LDAF1: variants seen among roughly 807,000 people sequenced by gnomAD.
LDAF1 encodes the protein lipid droplet assembly factor 1, also known as PROMETHIN.
A neutral mutation model predicts 13.5 loss-of-function variants in LDAF1; 7 were observed. That is an observed-to-expected ratio of 0.52 (90% confidence interval 0.29 to 0.97). The LOEUF (loss-of-function observed/expected upper bound fraction) is 0.97. Ranked by LOEUF, LDAF1 falls within the 50% of genes least tolerant of loss-of-function variation. The pLI is 0.07. For synonymous variants in LDAF1, 69 were observed against 77.1 expected, an observed-to-expected ratio of 0.89 and a Z score of 0.55; for missense variants, 148 against 193.2, an observed-to-expected ratio of 0.77 and a Z score of 1.39.
chr16:21,161,328 C>T lies in LDAF1; in HGVS notation c.96+50C>T, dbSNP rs374019946. Reference sequence around the variant, plus strand: ...ATGGAAAATCCCAATATAACACTAGCATAAACAAGATAGAAAGTTATTTCT... The same window carrying T: ...ATGGAAAATCCCAATATAACACTAGTATAAACAAGATAGAAAGTTATTTCT... On this transcript the variant is annotated intron_variant, in intron 2 of 4. Transcript: ENST00000233047. The T allele has an allele frequency of 9.5e-6, 15 of 1,580,538 alleles. No individual in the cohort carries two copies. The African/African-American group carries it at 1.9e-4, about 20-fold the overall frequency.
At chr16:21,167,332 C>T (rs1438446293) in intron 2 of LDAF1, among the ~76,000 whole-genome samples, 1 of 152,222 alleles carries the variant, frequency 6.6e-6, no homozygotes, top group Non-Finnish European at 1.5e-5. Context: ...GGATGAGGCT[C>T]AGGAAGGACC....
chr16:21,166,800 GGT>G, intron 2 of LDAF1: 1 of 1,520,788 alleles, frequency 6.6e-7, no homozygotes, highest in Non-Finnish European at 8.8e-7. Context: ...CATTCTGTGT[GGT>G]GACTCCCACG....
chr16:21,176,430 G>T (rs569724359), intron 4 of LDAF1, among the ~76,000 whole-genome samples: 56 of 152,274 alleles, frequency 3.7e-4, no homozygotes, highest in African/African-American at 1.3e-3. Flanking sequence ...ATCACTTGAG[G>T]CCAGGGGTTT....
At chr16:21,174,918 A>C (rs1597563815) in intron 4 of LDAF1, among the ~76,000 whole-genome samples, 1 of 152,140 alleles carries the variant, frequency 6.6e-6, no homozygotes, top group African/African-American at 2.4e-5. Flanking sequence ...TGAGTTTCTC[A>C]CCAACTGAGT....
chr16:21,179,590 A>G lies in LDAF1; in HGVS notation c.*34A>G, dbSNP rs1384050596. On this transcript the variant is annotated 3_prime_UTR_variant, in exon 5 of 5. Transcript: ENST00000233047. ...TCAGAGGCCGGGCTTCTTTTCAAGTACTGCTGGATCATACTCACCCCTTGG... is the reference window on the plus strand; with the variant it reads ...TCAGAGGCCGGGCTTCTTTTCAAGTGCTGCTGGATCATACTCACCCCTTGG... The G allele has an allele frequency of 6.3e-7, 1 of 1,585,084 alleles. No homozygotes were observed.
intron 3 of LDAF1, 105 bp from the exon 4 acceptor site, chr16:21,173,905 A>T: frequency 8.5e-7 from 1 of 1,175,160 alleles, no homozygotes; most frequent in Non-Finnish European, 1.2e-6. Context: ...TTCTTACTTT[A>T]ATAATCTGAG....
chr16:21,163,617 C>G (rs910081667), intron 2 of LDAF1, among the ~76,000 whole-genome samples: 4 of 152,136 alleles, frequency 2.6e-5, no homozygotes, highest in African/African-American at 9.7e-5. Context: ...TGTACTCCAG[C>G]CTGGGTGACA....
Position 21,170,554 on chromosome 16 carries a change from A to G in LDAF1, c.214A>G (p.Ile72Val). 6.2e-7 allele frequency: 1 copy of G among 1,614,126 alleles called. No homozygotes were observed. Among genetic ancestry groups the G allele is most frequent in the East Asian group, 2.2e-5 (1 of 44,882 alleles). ...SAVPVGFFLLIVVLTTLAALL... is the reference protein window; with the variant it reads ...SAVPVGFFLLVVVLTTLAALL... ...CGTTCCTGTTGGATTCTTCCTGCTC[A>G]TCGTGGTGCTTACCACCCTGGCTGC... The change falls in exon 3 of 5, where the codon ATC (isoleucine) becomes GTC (valine). Residue 72 changes from isoleucine to valine, a missense_variant. Ile to Val is a conservative substitution (Grantham distance 29). Coordinates refer to ENST00000233047, the MANE Select transcript of LDAF1 (RefSeq NM_001301771.2).
intron 3 of LDAF1, among the ~76,000 whole-genome samples, 170 bp downstream of exon 3, chr16:21,170,775 G>A (rs2093080770): frequency 6.6e-6 from 1 of 152,016 alleles, no homozygotes; most frequent in Admixed American, 6.6e-5. Context: ...CAAAGTGCTG[G>A]GATTATGGCC....
At chr16:21,173,439 TGTG>T (rs1293880657) in intron 3 of LDAF1, 1 of 152,332 alleles carries the variant, frequency 6.6e-6, no homozygotes, top group African/African-American at 2.4e-5. Flanking sequence ...GCAGGCTGGT[TGTG>T]GTGGCTCACG....
intron 2 of LDAF1, among the ~76,000 whole-genome samples, chr16:21,163,012 A>G (rs1229602056): frequency 1.3e-5 from 2 of 152,212 alleles, no homozygotes; most frequent in Non-Finnish European, 1.5e-5. Flanking sequence ...ATGTTAATAT[A>G]TATTGTTGAT....
At chr16:21,162,289 C>T (rs902313506) in intron 2 of LDAF1, among the ~76,000 whole-genome samples, 1 of 152,032 alleles carries the variant, frequency 6.6e-6, no homozygotes, top group Non-Finnish European at 1.5e-5. Flanking sequence ...TTTTTGAACT[C>T]CCTCTTCAAA....
At chr16:21,168,990 CAT>C (rs202053211) in intron 2 of LDAF1, among the ~76,000 whole-genome samples, 17,516 of 134,816 alleles carry the variant, frequency 0.13, 1,534 homozygotes, top group South Asian at 0.33. Flanking sequence ...TAATTATAAA[CAT>C]ATATAATTAT....
intron 2 of LDAF1, among the ~76,000 whole-genome samples, chr16:21,164,375 G>A (rs1191095761): frequency 6.6e-6 from 1 of 152,172 alleles, no homozygotes; most frequent in Non-Finnish European, 1.5e-5. Flanking sequence ...CTCCTGAGTA[G>A]CTGGGACTAC....
chr16:21,174,351 G>A (rs572214748), intron 4 of LDAF1, among the ~76,000 whole-genome samples: 7 of 151,970 alleles, frequency 4.6e-5, no homozygotes, highest in Admixed American at 6.6e-5. Context: ...CATCATGCCC[G>A]GCTAATTTTA....
intron 4 of LDAF1, 49 bp downstream of exon 4, chr16:21,174,197 T>C (rs2093118387): frequency 4.5e-6 from 7 of 1,539,666 alleles, no homozygotes; most frequent in Non-Finnish European, 6.1e-6. Context: ...TTTCTACTTT[T>C]TTGTTTTTTT....
chr16:21,160,424 G>C (rs1008906747), intron 1 of LDAF1, among the ~76,000 whole-genome samples: 2 of 152,146 alleles, frequency 1.3e-5, no homozygotes, highest in African/African-American at 4.8e-5. Flanking sequence ...CTGCCCCCGA[G>C]GTGCAGTTCT....
At chr16:21,166,271 TCTTACA>T (rs2093023249) in intron 2 of LDAF1, among the ~76,000 whole-genome samples, 1 of 152,210 alleles carries the variant, frequency 6.6e-6, no homozygotes, top group African/African-American at 2.4e-5. Flanking sequence ...CATTTTTTTT[TCTTACA>T]CTTAAAGCAC....
chr16:21,167,899 G>A lies in LDAF1; in HGVS notation c.97-2538G>A, dbSNP rs148857180. Among the ~76,000 whole-genome samples, 554 of 149,536 alleles carry A rather than the reference G, an allele frequency of 3.7e-3. 6 individuals carry two copies. Among genetic ancestry groups the A allele is most frequent in the African/African-American group, 0.013 (532 of 41,110 alleles). On this transcript the variant is annotated intron_variant, in intron 2 of 4. Transcript: ENST00000233047. ...GGGGCGCCCGTAATCCCAGCTACTC[G>A]GGAGGCTGAGGCGGGAGAATGGCTT...
Sources: allele counts gnomAD v4.1 joint callset (sites outside exome capture counted in the v4.1 genomes callset), GRCh38; gene constraint gnomAD v4.1.1; transcripts MANE v1.5; gene names NCBI Gene and HGNC (gene_info 2026-07-23, HGNC 2026-07-21).